The following LPGAT1 variants were observed in gnomAD, a reference collection of about 807,000 sequenced individuals.
LPGAT1 encodes acyl-CoA:lysophosphatidylglycerol acyltransferase 1.
Under a neutral mutation model 47.5 loss-of-function variants are expected in LPGAT1, and 11 were observed. That is an observed-to-expected ratio of 0.23 (90% CI 0.15 to 0.38). LPGAT1 has a LOEUF of 0.38. Ranked by LOEUF, LPGAT1 falls within the 10% of genes least tolerant of loss-of-function variation. The probability of loss-of-function intolerance (pLI) is 1.00; values close to 1 mark genes in which losing one functional copy is unlikely to be tolerated. For missense variants in LPGAT1, 293 were observed against 439.0 expected, an observed-to-expected ratio of 0.67 and a Z score of 2.97; for synonymous variants, 138 against 144.2, an observed-to-expected ratio of 0.96 and a Z score of 0.31.
rs1656924807 is a variant in LPGAT1, at chr1:211,745,953, C to CAA, written c.*3945_*3946insTT. The CAA allele has an allele frequency of 6.6e-6, 1 of 152,602 alleles. No homozygotes were observed. The highest frequency in any genetic ancestry group is 2.4e-5 in the African/African-American group (1 of 41,428). The allele number at this position is 152,602 out of a possible 1,614,324, so 9.5% of individuals were successfully genotyped here. ...TCTGTGGACCAGAGCTGAACACACT[C>CAA]ATAATGGTAACTCTGGAGTGAAGTC... On this transcript the variant is annotated 3_prime_UTR_variant, in exon 8 of 8. Coordinates refer to ENST00000366997, the MANE Select transcript of LPGAT1 (RefSeq NM_014873.3).
chr1:211,828,221 T>G (rs1157269399), intron 2 of LPGAT1, among the ~76,000 whole-genome samples: 2 of 152,216 alleles, frequency 1.3e-5, no homozygotes, highest in Non-Finnish European at 2.9e-5. Context: ...CCTCCACATC[T>G]GACAAGTGCT....
chr1:211,829,634 T>C (rs1660656798), intron 1 of LPGAT1: 4 of 1,117,028 alleles, frequency 3.6e-6, no homozygotes, highest in Non-Finnish European at 4.4e-6. Flanking sequence ...CGGTCGTCTA[T>C]TGGACTTAGA....
intron 2 of LPGAT1, among the ~76,000 whole-genome samples, chr1:211,798,962 T>C (rs1659462195): frequency 6.6e-6 from 1 of 152,128 alleles, no homozygotes; most frequent in Non-Finnish European, 1.5e-5. Flanking sequence ...AGGGCAATCA[T>C]ACATAGAGAT....
intron 2 of LPGAT1, among the ~76,000 whole-genome samples, chr1:211,800,160 G>A (rs980876454): frequency 3.3e-5 from 5 of 151,350 alleles, no homozygotes; most frequent in Admixed American, 2.6e-4. Context: ...TCAGCCTCCC[G>A]AGTAACTGGA....
At chr1:211,775,064 A>AC (rs1658341876) in intron 6 of LPGAT1, among the ~76,000 whole-genome samples, 1 of 152,320 alleles carries the variant, frequency 6.6e-6, no homozygotes, top group Non-Finnish European at 1.5e-5. Context: ...CTTGCTTGTC[A>AC]CATTATGTTC....
At chr1:211,750,194 T>A in intron 7 of LPGAT1, 144 bp from the exon 8 acceptor site, 1 of 700,150 alleles carries the variant, frequency 1.4e-6, no homozygotes, top group Non-Finnish European at 2.4e-6. Context: ...AGATTTTATT[T>A]GAAATACAAT....
At chr1:211,789,074 G>GA (rs1413028846) in intron 3 of LPGAT1, among the ~76,000 whole-genome samples, 4 of 152,128 alleles carry the variant, frequency 2.6e-5, no homozygotes, top group Non-Finnish European at 5.9e-5. Flanking sequence ...GCCTAGTAAA[G>GA]AAAGAACTGA....
At chr1:211,797,771 CA>C (rs1346926091) in intron 2 of LPGAT1, among the ~76,000 whole-genome samples, 1 of 151,940 alleles carries the variant, frequency 6.6e-6, no homozygotes, top group Non-Finnish European at 1.5e-5. Context: ...ATTAGAAGAA[CA>C]AAAATATTCT....
At chr1:211,804,889 T>C (rs1659697042) in intron 2 of LPGAT1, among the ~76,000 whole-genome samples, 1 of 152,010 alleles carries the variant, frequency 6.6e-6, no homozygotes, top group South Asian at 2.1e-4. Flanking sequence ...ATCAAAAGTA[T>C]AAAAATTTAG....
chr1:211,800,576 T>C (rs1659535984), intron 2 of LPGAT1, among the ~76,000 whole-genome samples: 1 of 152,228 alleles, frequency 6.6e-6, no homozygotes, highest in Admixed American at 6.5e-5. Context: ...AAACTTGTAC[T>C]GTTTTCAAAA....
intron 6 of LPGAT1, among the ~76,000 whole-genome samples, chr1:211,775,931 C>CAAAA (rs201006748): frequency 1.3e-3 from 101 of 77,272 alleles, no homozygotes; most frequent in Admixed American, 2.3e-3. Context: ...AATGCCATCT[C>CAAAA]AAAAAAAAAA....
At chr1:211,752,196 T>G (rs1023670540) in intron 6 of LPGAT1, among the ~76,000 whole-genome samples, 1 of 152,334 alleles carries the variant, frequency 6.6e-6, no homozygotes, top group East Asian at 1.9e-4. Flanking sequence ...CATTTTTCAT[T>G]TGCTTAATTT....
chr1:211,810,705 T>C (rs1283115389), intron 2 of LPGAT1, among the ~76,000 whole-genome samples: 3 of 151,790 alleles, frequency 2.0e-5, no homozygotes, highest in African/African-American at 4.8e-5. Context: ...CACACGAAAA[T>C]ATGTACGTAC....
Position 211,793,157 on chromosome 1 carries a change from G to T in LPGAT1, c.272C>A (p.Ser91Ter). The T allele has an allele frequency of 6.2e-7, 1 of 1,610,948 alleles. No individual in the cohort carries two copies. Among genetic ancestry groups the T allele is most frequent in the Non-Finnish European group, 8.5e-7 (1 of 1,178,546 alleles). ...MEWGEDIKAV[S>*]KDEAVMLVNH... Reference sequence around the variant, plus strand: ...CACCAACATCACTGCTTCATCTTTTGAAACTGCTTTAATATCTTCTCCCCA... The same window carrying T: ...CACCAACATCACTGCTTCATCTTTTTAAACTGCTTTAATATCTTCTCCCCA... Residue 91 changes from serine to a stop codon, truncating the protein, a stop_gained, in exon 3 of 8, where the codon TCA becomes TAA. Transcript: ENST00000366997. LOFTEE classifies it high-confidence loss of function.
At chr1:211,822,710 G>A (rs545659875) in intron 2 of LPGAT1, among the ~76,000 whole-genome samples, 4 of 151,982 alleles carry the variant, frequency 2.6e-5, no homozygotes, top group East Asian at 1.9e-4. Flanking sequence ...CCCAAGAGGC[G>A]GACGTTGCAG....
At chr1:211,797,468 T>C (rs1249093917) in intron 2 of LPGAT1, among the ~76,000 whole-genome samples, 1 of 152,120 alleles carries the variant, frequency 6.6e-6, no homozygotes, top group African/African-American at 2.4e-5. Flanking sequence ...TAAGGTCGTG[T>C]TGAATTTTAT....
chr1:211,763,271 A>T (rs1380786247), intron 6 of LPGAT1, among the ~76,000 whole-genome samples: 1 of 152,214 alleles, frequency 6.6e-6, no homozygotes, highest in Admixed American at 6.5e-5. Context: ...TTCTGCTTTC[A>T]TGAATAGATT....
intron 3 of LPGAT1, among the ~76,000 whole-genome samples, chr1:211,790,478 C>T (rs1306209735): frequency 6.6e-6 from 1 of 152,152 alleles, no homozygotes; most frequent in African/African-American, 2.4e-5. Context: ...ATCAAGTAAA[C>T]ATTCCTACTA....
At chr1:211,751,107 T>A (rs1203493347) in intron 6 of LPGAT1, 40 bp from the exon 7 acceptor site, 1 of 1,321,012 alleles carries the variant, frequency 7.6e-7, no homozygotes, top group Non-Finnish European at 1.1e-6. Context: ...ACTATTTAGT[T>A]CAGAAGTCAA....
Sources: gnomAD v4.1 joint callset for allele counts (sites outside exome capture counted in the v4.1 genomes callset) on GRCh38, gnomAD v4.1.1 for gene constraint, MANE v1.5 for transcripts, NCBI Gene and HGNC (gene_info 2026-07-23, HGNC 2026-07-21) for gene names.